The following FRMPD4 variants were observed in gnomAD, a reference collection of about 807,000 sequenced individuals.
FRMPD4 encodes the protein FERM and PDZ domain containing 4.
A neutral mutation model predicts 94.1 loss-of-function variants in FRMPD4; 22 were observed. That is an observed-to-expected ratio of 0.23 (90% CI 0.17 to 0.33). The LOEUF (loss-of-function observed/expected upper bound fraction) is 0.33, where lower values mean the gene tolerates loss of function less well. Among genes scored for constraint, FRMPD4 ranks in the 10% least tolerant of loss-of-function variants. FRMPD4 has a pLI of 1.00. For missense variants in FRMPD4, 1,111 were observed against 1,339.9 expected, an observed-to-expected ratio of 0.83 and a Z score of 2.67; for synonymous variants, 631 against 548.6, an observed-to-expected ratio of 1.15 and a Z score of -2.10.
At chrX:12,074,300 C>G (rs1378917188) in intron 3 of FRMPD4, among the ~76,000 whole-genome samples, 2 of 111,437 alleles carry the variant, frequency 1.8e-5, no homozygotes, top group Non-Finnish European at 3.8e-5. Context: ...ACACTCATCT[C>G]AGGCAAGCCC....
At chrX:11,978,060 C>T (rs2054376135) in intron 3 of FRMPD4, among the ~76,000 whole-genome samples, 1 of 109,549 alleles carries the variant, frequency 9.1e-6, no homozygotes, top group East Asian at 2.9e-4. Context: ...CGGTGGCTCA[C>T]GCCTGTAATC....
In FRMPD4 at chrX:12,303,905, A is replaced by G. The variant is rs6640967; in HGVS notation, c.41+164893A>G. 5.4e-3 allele frequency among the ~76,000 whole-genome samples: 605 copies of G among 111,911 alleles called. 2 individuals carry two copies. The highest frequency in any genetic ancestry group is 0.018 in the African/African-American group (567 of 30,904). ...TTTTGCACAAGCAGTGGAAAAGGTT[A>G]CAAGCTAAATCTGTATTATGTTCAA... is the stretch of plus-strand genomic sequence containing the variant. On this transcript the variant is annotated intron_variant, in intron 1 of 16. Transcript: ENST00000675598.
intron 1 of FRMPD4, among the ~76,000 whole-genome samples, chrX:12,389,101 A>G (rs1416307519): frequency 1.8e-5 from 2 of 108,992 alleles, no homozygotes; most frequent in African/African-American, 6.7e-5. Flanking sequence ...AATCTCAGAC[A>G]CGAGGAATAA....
chrX:11,887,094 G>A (rs2053849829), intron 3 of FRMPD4, among the ~76,000 whole-genome samples: 1 of 111,552 alleles, frequency 9.0e-6, no homozygotes, highest in Admixed American at 9.5e-5. Context: ...TCCAATTTTA[G>A]ATTACTGTAA....
chrX:11,965,603 T>A (rs984712896), intron 3 of FRMPD4, among the ~76,000 whole-genome samples: 1 of 111,669 alleles, frequency 9.0e-6, no homozygotes, highest in Non-Finnish European at 1.9e-5. Context: ...GCCCCAAGAG[T>A]CCCTGGAATT....
chrX:12,540,346 T>C (rs1435128408), intron 2 of FRMPD4, among the ~76,000 whole-genome samples: 2 of 110,992 alleles, frequency 1.8e-5, no homozygotes, highest in African/African-American at 3.3e-5. Flanking sequence ...AGGAGACCCA[T>C]CTCACATGCA....
At chrX:12,196,291 T>C (rs1294928516) in intron 1 of FRMPD4, among the ~76,000 whole-genome samples, 1 of 111,960 alleles carries the variant, frequency 8.9e-6, no homozygotes, top group Non-Finnish European at 1.9e-5. Flanking sequence ...TCATTGGTCA[T>C]TGGCAGAGCC....
At chrX:12,602,562 G>A (rs1473583002) in intron 2 of FRMPD4, among the ~76,000 whole-genome samples, 2 of 111,915 alleles carry the variant, frequency 1.8e-5, no homozygotes, top group Non-Finnish European at 3.8e-5. Context: ...GAACTTCAGG[G>A]TATTTATTAA....
At chrX:12,556,784 C>T (rs1480030500) in intron 2 of FRMPD4, among the ~76,000 whole-genome samples, 2 of 111,965 alleles carry the variant, frequency 1.8e-5, no homozygotes, top group East Asian at 5.6e-4. Flanking sequence ...TTCCCCTTCA[C>T]CCTCTGAAGG....
chrX:12,159,375 A>T (rs1193840389), intron 1 of FRMPD4, among the ~76,000 whole-genome samples: 1 of 111,831 alleles, frequency 8.9e-6, no homozygotes, highest in South Asian at 3.8e-4. Flanking sequence ...TGAATAAGAG[A>T]AACTGGTCTG....
intron 4 of FRMPD4, among the ~76,000 whole-genome samples, chrX:12,617,890 T>A (rs2059250181): frequency 8.9e-6 from 1 of 111,838 alleles, no homozygotes. Context: ...TACTCTATTA[T>A]GGAAAATTAT....
At chrX:12,054,979 G>A (rs931779248) in intron 3 of FRMPD4, 2 of 111,765 alleles carry the variant, frequency 1.8e-5, no homozygotes, top group Non-Finnish European at 3.8e-5. Flanking sequence ...TGACAAGTCA[G>A]TTTATTAATA....
At chrX:12,185,243 C>T (rs923689008) in intron 1 of FRMPD4, among the ~76,000 whole-genome samples, 2 of 111,593 alleles carry the variant, frequency 1.8e-5, no homozygotes, top group African/African-American at 6.5e-5. Flanking sequence ...AACACAACTC[C>T]TCAGCTCCGA....
intron 8 of FRMPD4, among the ~76,000 whole-genome samples, 165 bp from the exon 9 acceptor site, chrX:12,694,170 T>C (rs2060105218): frequency 8.9e-6 from 1 of 111,995 alleles, no homozygotes; most frequent in Non-Finnish European, 1.9e-5. Flanking sequence ...CCAACCTAAG[T>C]GGCAAGGTTA....
chrX:11,920,180 G>A (rs1011788234), intron 3 of FRMPD4, among the ~76,000 whole-genome samples: 6 of 111,819 alleles, frequency 5.4e-5, no homozygotes, highest in Non-Finnish European at 7.5e-5. Flanking sequence ...GGACCAGGGG[G>A]AAAATAAGGG....
At chrX:11,945,441 C>T (rs1191500226) in intron 3 of FRMPD4, among the ~76,000 whole-genome samples, 1 of 111,470 alleles carries the variant, frequency 9.0e-6, no homozygotes, top group Non-Finnish European at 1.9e-5. Flanking sequence ...CATATTATTA[C>T]CAAAAGAGAT....
intron 3 of FRMPD4, among the ~76,000 whole-genome samples, chrX:12,614,543 C>T (rs1440917651): frequency 9.0e-6 from 1 of 111,698 alleles, no homozygotes; most frequent in Non-Finnish European, 1.9e-5. Context: ...GAGTCTCGAC[C>T]TTGCTTGCAA....
intron 1 of FRMPD4, among the ~76,000 whole-genome samples, chrX:12,325,663 C>T (rs1406864971): frequency 4.4e-5 from 5 of 112,372 alleles, no homozygotes; most frequent in Non-Finnish European, 9.4e-5. Flanking sequence ...CCAACCCCTT[C>T]AAACCTTTGT....
chrX:12,382,530 G>GCATAGCAT (rs60602906), intron 1 of FRMPD4, among the ~76,000 whole-genome samples: 903 of 45,266 alleles, frequency 0.02, 57 homozygotes, highest in African/African-American at 0.065. Flanking sequence ...GCATAGCATA[G>GCATAGCAT]AGCATAGCAT....
Sources: allele counts gnomAD v4.1 joint callset (sites outside exome capture counted in the v4.1 genomes callset), GRCh38; gene constraint gnomAD v4.1.1; transcripts MANE v1.5; gene names NCBI Gene and HGNC (gene_info 2026-07-23, HGNC 2026-07-21).